Variants in CNDP2 observed in about 807,000 individuals in gnomAD.
CNDP2 encodes carnosine dipeptidase 2.
A neutral mutation model predicts 55.0 loss-of-function variants in CNDP2; 38 were observed. The ratio of observed to expected loss-of-function variants is 0.69; its 90% CI spans 0.53 to 0.90. The LOEUF is 0.90. CNDP2 is among the 40% of genes least tolerant of loss of function. The pLI, the probability that CNDP2 is intolerant of heterozygous loss-of-function variation, is 0.00. For missense variants in CNDP2, 607 were observed against 621.7 expected (o/e 0.98, Z 0.25); for synonymous variants, 241 against 260.2 (o/e 0.93, Z 0.71).
intron 4 of CNDP2, among the ~76,000 whole-genome samples, 187 bp downstream of exon 4, chr18:74,506,198 A>G (rs1284651781): frequency 6.6e-6 from 1 of 152,184 alleles, no homozygotes; most frequent in East Asian, 1.9e-4. Flanking sequence ...CAATGGCAAG[A>G]TCTCAATTCA....
chr18:74,509,010 G>A, intron 5 of CNDP2, 82 bp downstream of exon 5: 1 of 1,123,674 alleles, frequency 8.9e-7, no homozygotes, highest in Non-Finnish European at 1.3e-6. Flanking sequence ...TCACACAACA[G>A]CTTATAAAGC....
chr18:74,504,367 T>C (rs528558453), intron 3 of CNDP2, among the ~76,000 whole-genome samples: 2 of 152,150 alleles, frequency 1.3e-5, no homozygotes, highest in Non-Finnish European at 2.9e-5. Context: ...CTGGGACAAA[T>C]GAGGGGCGTC....
rs1980124503 is a variant in CNDP2 at position 74,522,734 on chromosome 18, T to G, written c.*2666T>G. The G allele has an allele frequency of 6.6e-6, 1 of 152,318 alleles. No homozygotes were observed. Among genetic ancestry groups the G allele is most frequent in the Non-Finnish European group, 1.5e-5 (1 of 68,086 alleles). 9.4% of individuals were successfully genotyped at this position (152,318 alleles called of 1,614,324 possible). A position where few individuals can be genotyped will look rare whatever the true frequency, so the allele number is the denominator to read the frequency against. On this transcript the variant is annotated 3_prime_UTR_variant, in exon 12 of 12. Coordinates refer to ENST00000324262, the MANE Select transcript of CNDP2 (RefSeq NM_018235.3). ...GCCTCCCGAACGTTGAGCCAATACA[T>G]CTCTGCTCATTGTAAATTACCTAGT... is the stretch of plus-strand genomic sequence containing the variant.
At chr18:74,498,721 G>A (rs1164752717) in intron 1 of CNDP2, among the ~76,000 whole-genome samples, 1 of 152,144 alleles carries the variant, frequency 6.6e-6, no homozygotes, top group Non-Finnish European at 1.5e-5. Context: ...CCTCTCCAGC[G>A]TGCTCATGGG....
intron 3 of CNDP2, 23 bp downstream of exon 3, chr18:74,501,495 T>C (rs754283715): frequency 1.4e-5 from 22 of 1,608,240 alleles, no homozygotes; most frequent in South Asian, 1.0e-4. Flanking sequence ...ATTCTTTGCA[T>C]TGCAGGACCG....
rs1979842851 is a variant in CNDP2, at chr18:74,518,492, G to A, written c.1069-7G>A. ...CATTGTATACCTCTATTCTATTTGTGGTTTAGGTCACAAGCTACCTAACTA... is the reference window on the plus strand; with the variant it reads ...CATTGTATACCTCTATTCTATTTGTAGTTTAGGTCACAAGCTACCTAACTA... On this transcript the variant is annotated splice_region_variant and splice_polypyrimidine_tract_variant and intron_variant, in intron 9 of 11. Transcript: ENST00000324262. 1 of 1,614,066 alleles carries A rather than the reference G, an allele frequency of 6.2e-7. No homozygotes were observed. The highest frequency in any genetic ancestry group is 1.3e-5 in the African/African-American group (1 of 75,018).
At chr18:74,514,156 G>C (rs978506500) in intron 8 of CNDP2, among the ~76,000 whole-genome samples, 1 of 152,238 alleles carries the variant, frequency 6.6e-6, no homozygotes, top group African/African-American at 2.4e-5. Flanking sequence ...ACATATGTAA[G>C]TTCTGCAGGC....
intron 3 of CNDP2, among the ~76,000 whole-genome samples, chr18:74,502,106 G>A (rs1271960036): frequency 1.3e-5 from 2 of 151,972 alleles, no homozygotes; most frequent in African/African-American, 2.4e-5. Flanking sequence ...GGCTGGTCTC[G>A]AACTCCTGAC....
Position 74,505,976 on chromosome 18 carries a change from G to A in CNDP2, c.332G>A (p.Trp111Ter). 6.2e-7 allele frequency: 1 copy of A among 1,605,644 alleles called. No homozygotes were observed. Among genetic ancestry groups the A allele is most frequent in the Non-Finnish European group, 8.5e-7 (1 of 1,177,408 alleles). Residue 111 changes from tryptophan to a stop codon, truncating the protein, a stop_gained, in exon 4 of 12, where the codon TGG becomes TAG. Coordinates refer to ENST00000324262, the MANE Select transcript of CNDP2 (RefSeq NM_018235.3). LOFTEE classifies it high-confidence loss of function. ...DVQPAALEDG[W>*]DSEPFTLVER... ...CAGCCTGCAGCCCTGGAGGACGGCT[G>A]GGACAGCGAGCCCTTCACCCTGGTG...
At chr18:74,518,362 A>C (rs1346476297) in intron 9 of CNDP2, 137 bp from the exon 10 acceptor site, 2 of 838,982 alleles carry the variant, frequency 2.4e-6, no homozygotes, top group African/African-American at 1.7e-5. Flanking sequence ...TAGACTCAGC[A>C]TAGACCCATC....
intron 3 of CNDP2, among the ~76,000 whole-genome samples, chr18:74,502,695 C>G (rs1978778033): frequency 6.6e-6 from 1 of 152,064 alleles, no homozygotes; most frequent in Non-Finnish European, 1.5e-5. Context: ...CTTTTATATT[C>G]TTTGATCTAA....
chr18:74,496,748 C>T (rs1020613364), intron 1 of CNDP2, among the ~76,000 whole-genome samples: 3 of 152,210 alleles, frequency 2.0e-5, no homozygotes, highest in African/African-American at 7.2e-5. Context: ...GTGGCCCTCC[C>T]TGGTGGAGTC....
intron 3 of CNDP2, among the ~76,000 whole-genome samples, chr18:74,502,443 A>G (rs946595561): frequency 6.6e-6 from 1 of 151,048 alleles, no homozygotes; most frequent in Non-Finnish European, 1.5e-5. Flanking sequence ...GTGTGTGTGT[A>G]TATATATGTG....
rs1979997721 is a variant in CNDP2, at chr18:74,520,665, T to C, written c.*597T>C. The C allele has an allele frequency of 6.5e-6, 1 of 152,840 alleles. No individual in the cohort carries two copies. The highest frequency in any genetic ancestry group is 1.5e-5 in the Non-Finnish European group (1 of 68,718). The allele number at this position is 152,840 out of a possible 1,614,324, so 9.5% of individuals were successfully genotyped here. A position where few individuals can be genotyped will look rare whatever the true frequency, so the allele number is the denominator to read the frequency against. On this transcript the variant is annotated 3_prime_UTR_variant, in exon 12 of 12. Transcript: ENST00000324262. Reference sequence around the variant, plus strand: ...AGCAAGATCCTGTCTCTACAAGAAATTTTTTAAAAATGAGCCAAGTGTGGT... The same window carrying C: ...AGCAAGATCCTGTCTCTACAAGAAACTTTTTAAAAATGAGCCAAGTGTGGT...
At chr18:74,499,796 C>T in intron 1 of CNDP2, 86 bp from the exon 2 acceptor site, 1 of 494,398 alleles carries the variant, frequency 2.0e-6, no homozygotes, top group Non-Finnish European at 3.6e-6. Context: ...CAGTCACTTC[C>T]TGGAGCGTCT....
Position 74,520,024 on chromosome 18 carries a change from A to G in CNDP2, c.1384A>G (p.Met462Val). The change falls in exon 12 of 12, where the codon ATG becomes GTG. Residue 462 changes from methionine (M) to valine (V), a missense_variant. Met to Val is a conservative substitution (Grantham distance 21). Transcript: ENST00000324262. The part of the protein sequence containing the change: ...NRYNYIEGTK[M>V]LAAYLYEVSQ... ...GTATAACTACATAGAGGGAACCAAG[A>G]TGCTGGCCGCGTACCTGTATGAGGT... 6.2e-7 allele frequency: 1 copy of G among 1,614,152 alleles called. No individual in the cohort carries two copies. Among genetic ancestry groups the G allele is most frequent in the Non-Finnish European group, 8.5e-7 (1 of 1,180,002 alleles).
intron 2 of CNDP2, among the ~76,000 whole-genome samples, chr18:74,500,604 T>G (rs1978636980): frequency 6.6e-6 from 1 of 152,234 alleles, no homozygotes; most frequent in South Asian, 2.1e-4. Flanking sequence ...CCTCCTTAAT[T>G]GTTAAAAATA....
Position 74,506,007 on chromosome 18 carries a change from A to G in CNDP2, c.363A>G (p.Arg121=), listed in dbSNP as rs769198623. The G allele has an allele frequency of 6.3e-7, 1 of 1,587,190 alleles. No individual in the cohort carries two copies. The highest frequency in any genetic ancestry group is 2.0e-5 in the Admixed American group (1 of 51,004). ...WDSEPFTLVE[R]DGKLYGRGST... ...GCGAGCCCTTCACCCTGGTGGAGCG[A>G]GACGGTGAGCGCCGCGCGCCTATGC... The change falls in exon 4 of 12, where the codon CGA becomes CGG. Residue 121 remains arginine (R), a synonymous_variant. Transcript: ENST00000324262.
chr18:74,497,706 G>T (rs550014889), intron 1 of CNDP2: 2 of 152,286 alleles, frequency 1.3e-5, no homozygotes, highest in African/African-American at 4.8e-5. Context: ...GATCATTTGA[G>T]CCTGGGAGAC....
Sources: gnomAD v4.1 joint callset for allele counts (sites outside exome capture counted in the v4.1 genomes callset) on GRCh38, gnomAD v4.1.1 for gene constraint, MANE v1.5 for transcripts, NCBI Gene and HGNC (gene_info 2026-07-23, HGNC 2026-07-21) for gene names.